DYNLT2: variants seen among roughly 807,000 people sequenced by gnomAD.
DYNLT2 encodes dynein light chain Tctex-type 2, also known as dynein light chain Tctex-type protein 2.
DYNLT2 carries 24 observed loss-of-function variants against 24.3 expected under a neutral mutation model. The ratio of observed to expected loss-of-function variants is 0.99; its 90% confidence interval spans 0.71 to 1.39. The LOEUF (loss-of-function observed/expected upper bound fraction) is 1.39. DYNLT2 is among the 40% of genes most tolerant of loss of function. The probability of loss-of-function intolerance (pLI) is 0.00; values close to 1 mark genes in which losing one functional copy is unlikely to be tolerated. For missense variants in DYNLT2, 246 were observed against 234.5 expected (o/e 1.05, Z -0.32); for synonymous variants, 85 against 85.4 (o/e 1.00, Z 0.03).
chr6:169,727,871 G>A, the DYNLT2 span, among the ~76,000 whole-genome samples: 3 of 152,118 alleles, frequency 2.0e-5, no homozygotes, highest in Admixed American at 2.0e-4. Flanking sequence ...CCAACTTGAA[G>A]GATTTTTATT....
chr6:169,729,227 G>T, the DYNLT2 span, among the ~76,000 whole-genome samples: 1 of 152,162 alleles, frequency 6.6e-6, no homozygotes, highest in African/African-American at 2.4e-5. Context: ...TAAACCAAAA[G>T]ATCCTGAAGC....
At position 169,751,493 on chromosome 6, in the gene DYNLT2, C is replaced by T. The variant is rs1418705227; in HGVS notation, c.-35G>A. 4.3e-6 allele frequency: 7 copies of T among 1,611,630 alleles called. No homozygotes were observed. Among genetic ancestry groups the T allele is most frequent in the Non-Finnish European group, 5.9e-6 (7 of 1,178,902 alleles). ...TTCTCCAAGACGCCCACCGCCTCCC[C>T]TTCACCGCCGGCGGTCAAACGCCCT... is the stretch of plus-strand genomic sequence containing the variant. On this transcript the variant is annotated 5_prime_UTR_variant, in exon 1 of 4. Coordinates refer to ENST00000366774, the MANE Select transcript of DYNLT2 (RefSeq NM_174910.3).
At chr6:169,730,429 G>A in the DYNLT2 span, among the ~76,000 whole-genome samples, 6 of 152,130 alleles carry the variant, frequency 3.9e-5, no homozygotes, top group East Asian at 1.2e-3. Context: ...GGTTACCTAC[G>A]CTAACTCCTG....
the DYNLT2 span, among the ~76,000 whole-genome samples, chr6:169,728,769 C>A: frequency 2.0e-5 from 3 of 152,274 alleles, no homozygotes; most frequent in East Asian, 5.8e-4. Context: ...AAACAACTTA[C>A]CAATAGTAGT....
At chr6:169,726,635 G>T in the DYNLT2 span, among the ~76,000 whole-genome samples, 2 of 152,198 alleles carry the variant, frequency 1.3e-5, no homozygotes, top group South Asian at 4.1e-4. Context: ...TCCCAGCTGT[G>T]CCTCTTATTA....
chr6:169,739,989 T>C, downstream of DYNLT2: 2 of 524,136 alleles, frequency 3.8e-6, no homozygotes, highest in Non-Finnish European at 6.7e-6. Flanking sequence ...TGGCATAATA[T>C]TATGTTAGTT....
In DYNLT2 at chr6:169,743,946, C is replaced by G; in HGVS notation, c.327+122G>C. The G allele has an allele frequency of 3.3e-6, 3 of 903,416 alleles. 1 individual carries two copies. In the Admixed American group the frequency reaches 7.4e-5, roughly 22 times the overall value. The allele number at this position is 903,416 out of a possible 1,614,324, so 56.0% of individuals were successfully genotyped here. ...TGTGCCTGCACCAATGACACAATACCTTCTGGTTCTAGTGACAATTGTATG... is the reference window on the plus strand; with the variant it reads ...TGTGCCTGCACCAATGACACAATACGTTCTGGTTCTAGTGACAATTGTATG... On this transcript the variant is annotated intron_variant, in intron 2 of 3. Transcript: ENST00000366774.
chr6:169,743,738 T>G (rs925715473), intron 2 of DYNLT2, among the ~76,000 whole-genome samples: 7 of 152,218 alleles, frequency 4.6e-5, no homozygotes, highest in African/African-American at 1.7e-4. Flanking sequence ...CTCACTCCAC[T>G]AATTTTTCTC....
At chr6:169,745,687 T>G (rs1241507810) in intron 1 of DYNLT2, among the ~76,000 whole-genome samples, 6 of 152,230 alleles carry the variant, frequency 3.9e-5, no homozygotes, top group African/African-American at 1.4e-4. Context: ...GTATTTCGTT[T>G]AGAATTTTTG....
the DYNLT2 span, among the ~76,000 whole-genome samples, chr6:169,734,693 T>G: frequency 4.1e-4 from 63 of 152,352 alleles, no homozygotes; most frequent in African/African-American, 1.5e-3. Context: ...TTGGCCAGTA[T>G]TTTATTGAGA....
Position 169,743,173 on chromosome 6 carries a change from G to C in DYNLT2, c.393C>G (p.Asp131Glu), listed in dbSNP as rs375961953. 6.4e-7 allele frequency: 1 copy of C among 1,573,250 alleles called. No homozygotes were observed. Among genetic ancestry groups the C allele is most frequent in the African/African-American group, 1.3e-5 (1 of 74,434 alleles). ...VFSHLSLELA[D>E]RILLAVKEFG... ...ATTCTTTGACTGCTAACAGTATGCG[G>C]TCTGCCAATTCAAGTGACAAGTGAG... Residue 131 changes from aspartate (D) to glutamate (E), a missense_variant, in exon 3 of 4, where the codon GAC (aspartate) becomes GAG (glutamate). Transcript: ENST00000366774.
chr6:169,731,810 T>G, the DYNLT2 span, among the ~76,000 whole-genome samples: 1 of 152,118 alleles, frequency 6.6e-6, no homozygotes, highest in African/African-American at 2.4e-5. Flanking sequence ...TATATGGGGT[T>G]TTACAGAAGG....
rs1790059194 is a variant in DYNLT2 at position 169,751,435 on chromosome 6, C to G, written c.24G>C (p.Val8=). Residue 8 remains valine, a synonymous_variant, in exon 1 of 4, where the codon GTG becomes GTC. Transcript: ENST00000366774. MEKRGRG[V]KSSPIQTPNQ... is the part of the protein sequence containing the mutation. ...TCGGGGTCTGGATGGGGCTCGACTT[C>G]ACGCCTCGGCCTCGCTTCTCCATCT... 1 of 1,613,978 alleles carries G rather than the reference C, an allele frequency of 6.2e-7. No homozygotes were observed. Among genetic ancestry groups the G allele is most frequent in the African/African-American group, 1.3e-5 (1 of 74,932 alleles).
At chr6:169,751,113 A>G in intron 1 of DYNLT2, 1 of 570,440 alleles carries the variant, frequency 1.8e-6, no homozygotes, top group Non-Finnish European at 3.0e-6. Flanking sequence ...GTAGGGTTCT[A>G]TGGCCCTAAT....
intron 1 of DYNLT2, among the ~76,000 whole-genome samples, chr6:169,747,143 G>A (rs1030854194): frequency 9.2e-5 from 14 of 151,780 alleles, no homozygotes; most frequent in African/African-American, 2.4e-4. Flanking sequence ...ATGATGCTTC[G>A]ATGTCTTCTG....
chr6:169,746,275 T>C (rs1338242094), intron 1 of DYNLT2, among the ~76,000 whole-genome samples: 1 of 152,096 alleles, frequency 6.6e-6, no homozygotes, highest in Non-Finnish European at 1.5e-5. Flanking sequence ...TATTATTTCT[T>C]TTCTTCTTGG....
chr6:169,750,164 A>C (rs1789934395), intron 1 of DYNLT2: 1 of 152,224 alleles, frequency 6.6e-6, no homozygotes, highest in Admixed American at 6.5e-5. Flanking sequence ...AGGCTCATTG[A>C]ATTTTAAAGA....
rs76404236 is a variant in DYNLT2, at chr6:169,748,400, C to T, written c.120+2939G>A. On this transcript the variant is annotated intron_variant, in intron 1 of 3. Coordinates refer to ENST00000366774, the MANE Select transcript of DYNLT2 (RefSeq NM_174910.3). ...ATTGGGGTTCACCTTACCTATTTCTCATCTCTTGGAAATCACTCTCGTCCT... is the reference window on the plus strand; with the variant it reads ...ATTGGGGTTCACCTTACCTATTTCTTATCTCTTGGAAATCACTCTCGTCCT... Among the ~76,000 whole-genome samples the T allele has an allele frequency of 4.5e-5, 5 of 112,128 alleles. No homozygotes were observed. The East Asian group carries it at 2.4e-3, about 54-fold the overall frequency. 73.6% of individuals were successfully genotyped at this position (112,128 alleles called of 152,430 possible).
At chr6:169,744,746 G>GT (rs1469524303) in intron 1 of DYNLT2, among the ~76,000 whole-genome samples, 21 of 150,306 alleles carry the variant, frequency 1.4e-4, no homozygotes, top group Admixed American at 6.6e-4. Context: ...TAGCACATTC[G>GT]TAAGTCTTAA....
Sources: allele counts gnomAD v4.1 joint callset (sites outside exome capture counted in the v4.1 genomes callset), GRCh38; gene constraint gnomAD v4.1.1; transcripts MANE v1.5; gene names NCBI Gene and HGNC (gene_info 2026-07-23, HGNC 2026-07-21).